The following EPHB1 variants were observed in gnomAD, a reference collection of about 807,000 sequenced individuals.
EPHB1 encodes the protein ephrin type-B receptor 1.
A neutral mutation model predicts 94.4 loss-of-function variants in EPHB1; 30 were observed. That is an observed-to-expected ratio of 0.32 (90% CI 0.24 to 0.43). The LOEUF is 0.43. EPHB1 is among the 20% of genes least tolerant of loss of function. The pLI is 1.00. For synonymous variants in EPHB1, 522 were observed against 489.1 expected, an observed-to-expected ratio of 1.07 and a Z score of -0.89; for missense variants, 1,055 against 1,308.3, an observed-to-expected ratio of 0.81 and a Z score of 2.99.
intron 3 of EPHB1, among the ~76,000 whole-genome samples, chr3:135,028,674 T>C (rs1236016824): frequency 8.3e-6 from 1 of 120,634 alleles, no homozygotes; most frequent in African/African-American, 3.0e-5. Flanking sequence ...ATAGGTGTGG[T>C]GTGGTGCTGA....
intron 9 of EPHB1, among the ~76,000 whole-genome samples, chr3:135,177,534 T>C (rs911294447): frequency 1.9e-4 from 29 of 152,268 alleles, no homozygotes; most frequent in Admixed American, 1.6e-3. Context: ...CTCTGAAGCA[T>C]GTGCTAACCT....
At chr3:134,796,012 T>G in intron 1 of EPHB1, 1 of 427,220 alleles carries the variant, frequency 2.3e-6, no homozygotes, top group Non-Finnish European at 4.2e-6. Flanking sequence ...GCATGCTCCT[T>G]AGCTCTGGGG....
intron 3 of EPHB1, among the ~76,000 whole-genome samples, chr3:135,075,924 G>C (rs1469628760): frequency 6.6e-6 from 1 of 152,174 alleles, no homozygotes; most frequent in Non-Finnish European, 1.5e-5. Flanking sequence ...GGATGGATGA[G>C]TAGATGGTCA....
intron 4 of EPHB1, among the ~76,000 whole-genome samples, chr3:135,122,951 G>C (rs114780044): frequency 5.9e-5 from 9 of 152,270 alleles, no homozygotes; most frequent in African/African-American, 1.9e-4. Context: ...GTGCAGACTC[G>C]CTTAGCATAG....
intron 14 of EPHB1, among the ~76,000 whole-genome samples, chr3:135,249,010 C>T (rs534322226): frequency 1.4e-4 from 21 of 152,052 alleles, no homozygotes; most frequent in South Asian, 8.3e-4. Flanking sequence ...AAAAGGACTA[C>T]GTCTTTGAAT....
intron 13 of EPHB1, among the ~76,000 whole-genome samples, chr3:135,244,862 AT>A (rs1245578902): frequency 1.3e-5 from 2 of 152,146 alleles, no homozygotes; most frequent in African/African-American, 2.4e-5. Context: ...TGATCTCAGT[AT>A]TTTTTTCTTT....
intron 1 of EPHB1, among the ~76,000 whole-genome samples, chr3:134,814,371 G>C (rs1362626219): frequency 6.6e-6 from 1 of 152,188 alleles, no homozygotes; most frequent in Admixed American, 6.5e-5. Context: ...AGCAGAAGCA[G>C]AAGCAAGGAG....
chr3:135,102,159 G>A (rs1939055395), intron 3 of EPHB1, among the ~76,000 whole-genome samples: 1 of 152,210 alleles, frequency 6.6e-6, no homozygotes, highest in Admixed American at 6.5e-5. Flanking sequence ...TTGCCTGAAA[G>A]TGCTGAAATG....
At chr3:135,066,366 C>T (rs1016283196) in intron 3 of EPHB1, among the ~76,000 whole-genome samples, 1 of 152,162 alleles carries the variant, frequency 6.6e-6, no homozygotes, top group Non-Finnish European at 1.5e-5. Context: ...TAACAAAATC[C>T]CAAACTTCTT....
At chr3:135,245,805 CAAAAAAAAAA>C (rs34702210) in intron 13 of EPHB1, among the ~76,000 whole-genome samples, 1 of 26,774 alleles carries the variant, frequency 3.7e-5, no homozygotes, top group African/African-American at 1.3e-4. Context: ...GACACCATCT[CAAAAAAAAAA>C]AAAAAAAAAA....
chr3:135,106,144 A>G (rs1939211629), intron 3 of EPHB1, among the ~76,000 whole-genome samples: 5 of 152,228 alleles, frequency 3.3e-5, no homozygotes. Context: ...ATGTCCCAGG[A>G]ACTGAGCTAC....
intron 1 of EPHB1, among the ~76,000 whole-genome samples, chr3:134,827,386 C>CAT (rs1255340910): frequency 6.6e-6 from 1 of 151,996 alleles, no homozygotes. Context: ...CACACACACA[C>CAT]ACATACACAC....
chr3:135,176,683 A>G (rs1463416679), intron 9 of EPHB1, among the ~76,000 whole-genome samples: 1 of 152,228 alleles, frequency 6.6e-6, no homozygotes, highest in Admixed American at 6.5e-5. Flanking sequence ...GGCACCATTA[A>G]GAGATAAGCC....
intron 3 of EPHB1, among the ~76,000 whole-genome samples, chr3:134,966,093 G>C (rs1198485847): frequency 6.6e-6 from 1 of 152,244 alleles, no homozygotes; most frequent in East Asian, 1.9e-4. Context: ...GGGCAAGGGA[G>C]AGGCCATCTG....
chr3:135,081,357 C>T (rs1202181578), intron 3 of EPHB1, among the ~76,000 whole-genome samples: 2 of 152,074 alleles, frequency 1.3e-5, no homozygotes, highest in African/African-American at 2.4e-5. Flanking sequence ...CCAGGGTTTT[C>T]GAGTAGAATC....
chr3:135,251,143 A>T (rs967746461), intron 15 of EPHB1, among the ~76,000 whole-genome samples: 1 of 152,168 alleles, frequency 6.6e-6, no homozygotes, highest in Admixed American at 6.5e-5. Context: ...GAACATCAGA[A>T]TACATTTCTT....
intron 7 of EPHB1, 119 bp downstream of exon 7, chr3:135,162,299 C>A: frequency 8.3e-7 from 1 of 1,206,566 alleles, no homozygotes; most frequent in Non-Finnish European, 1.1e-6. Context: ...CAGTGGAATT[C>A]CCTTCAAACG....
At chr3:134,880,308 C>CATA (rs2037705661) in intron 1 of EPHB1, among the ~76,000 whole-genome samples, 2 of 152,170 alleles carry the variant, frequency 1.3e-5, no homozygotes, top group African/African-American at 4.8e-5. Flanking sequence ...CAAGACACTT[C>CATA]ATAACACCTT....
chr3:134,914,621 T>G (rs1222440225), intron 1 of EPHB1, among the ~76,000 whole-genome samples: 1 of 152,048 alleles, frequency 6.6e-6, no homozygotes, highest in Non-Finnish European at 1.5e-5. Flanking sequence ...GGCTACTAAT[T>G]TAAGCCCTGA....
Sources: gnomAD v4.1 joint callset for allele counts (sites outside exome capture counted in the v4.1 genomes callset) on GRCh38, gnomAD v4.1.1 for gene constraint, MANE v1.5 for transcripts, NCBI Gene and HGNC (gene_info 2026-07-23, HGNC 2026-07-21) for gene names.